The following FRRS1L variants were observed in gnomAD, a reference collection of about 807,000 sequenced individuals.
FRRS1L encodes DOMON domain-containing protein FRRS1L.
In FRRS1L, 22 loss-of-function variants were observed where a neutral mutation model predicts 28.6. The observed-to-expected ratio is 0.77, with a 90% CI of 0.55 to 1.10. The LOEUF (loss-of-function observed/expected upper bound fraction) is 1.10. Among genes scored for constraint, FRRS1L ranks in the 50% least tolerant of loss-of-function variants. The pLI is 0.00. For synonymous variants in FRRS1L, 158 were observed against 151.4 expected (o/e 1.04, Z -0.32); for missense variants, 380 against 386.9 (o/e 0.98, Z 0.15).
rs995349919 is a variant in FRRS1L, at chr9:109,132,613, T to C, written c.*4842A>G. 6.6e-6 allele frequency: 1 copy of C among 152,190 alleles called. No homozygotes were observed. The highest frequency in any genetic ancestry group is 1.5e-5 in the Non-Finnish European group (1 of 68,036). 9.4% of individuals were successfully genotyped at this position (152,190 alleles called of 1,614,324 possible). On this transcript the variant is annotated 3_prime_UTR_variant, in exon 5 of 5. Coordinates refer to ENST00000561981, the MANE Select transcript of FRRS1L (RefSeq NM_014334.4). ...CAGTATCCTTTACAACTAATCATGATATATTGGTGTGTCCCTATCTAAGAA... is the reference window on the plus strand; with the variant it reads ...CAGTATCCTTTACAACTAATCATGACATATTGGTGTGTCCCTATCTAAGAA...
At chr9:109,165,159 G>A (rs1588105876) in intron 1 of FRRS1L, among the ~76,000 whole-genome samples, 1 of 152,192 alleles carries the variant, frequency 6.6e-6, no homozygotes, top group South Asian at 2.1e-4. Context: ...GACGGGCTTC[G>A]GAATATTTAT....
intron 1 of FRRS1L, among the ~76,000 whole-genome samples, chr9:109,159,124 A>C (rs1831448268): frequency 6.6e-6 from 1 of 152,168 alleles, no homozygotes; most frequent in Admixed American, 6.5e-5. Context: ...CTTTGGAAAA[A>C]TGTCTTTTTA....
intron 1 of FRRS1L, among the ~76,000 whole-genome samples, chr9:109,153,287 G>A (rs1002522462): frequency 6.6e-6 from 1 of 152,162 alleles, no homozygotes; most frequent in Non-Finnish European, 1.5e-5. Context: ...CTATAGGGAG[G>A]GTTGTGGGGC....
chr9:109,137,070 T>C lies in FRRS1L; in HGVS notation c.*385A>G, dbSNP rs1265734423. On this transcript the variant is annotated 3_prime_UTR_variant, in exon 5 of 5. Transcript: ENST00000561981. ...CATGATTTCTATACTTAGTTCCTTCTCTGCCTTTCTATTTGTCATTTCTAG... is the reference window on the plus strand; with the variant it reads ...CATGATTTCTATACTTAGTTCCTTCCCTGCCTTTCTATTTGTCATTTCTAG... The C allele has an allele frequency of 6.5e-6, 1 of 154,334 alleles. No homozygotes were observed. The highest frequency in any genetic ancestry group is 6.5e-5 in the Admixed American group (1 of 15,462). 9.6% of individuals were successfully genotyped at this position (154,334 alleles called of 1,614,324 possible).
intron 1 of FRRS1L, chr9:109,152,064 A>G (rs1180295641): frequency 6.6e-6 from 1 of 152,140 alleles, no homozygotes; most frequent in Non-Finnish European, 1.5e-5. Context: ...TATCATCCTC[A>G]CTACTTCCTG....
chr9:109,158,268 T>C (rs561097725), intron 1 of FRRS1L, among the ~76,000 whole-genome samples: 2 of 152,250 alleles, frequency 1.3e-5, no homozygotes, highest in Non-Finnish European at 2.9e-5. Flanking sequence ...CATTTAAATT[T>C]TCGAGTGTAT....
chr9:109,137,552 A>C lies in FRRS1L; in HGVS notation c.785T>G (p.Ile262Ser), dbSNP rs1831128341. The change falls in exon 5 of 5, where the codon ATT (isoleucine) becomes AGT (serine). Residue 262 changes from isoleucine to serine, a missense_variant. Physicochemically the swap from Ile to Ser is moderately radical, Grantham distance 142. Coordinates refer to ENST00000561981, the MANE Select transcript of FRRS1L (RefSeq NM_014334.4). ...RVVSIYKYED[I>S]FMPSAAYQTF... ...TTGATAGGCAGCTGATGGCATAAAA[A>C]TGTCTTCATACTTGTAAATACTGAC... The C allele has an allele frequency of 2.5e-6, 4 of 1,613,454 alleles. No individual in the cohort carries two copies. The highest frequency in any genetic ancestry group is 1.6e-4 in the Middle Eastern group (1 of 6,080).
intron 2 of FRRS1L, among the ~76,000 whole-genome samples, 198 bp downstream of exon 2, chr9:109,149,438 C>G (rs1021471507): frequency 6.6e-6 from 1 of 152,096 alleles, no homozygotes; most frequent in Non-Finnish European, 1.5e-5. Context: ...AAGAATGGTC[C>G]CGGGCCCAGG....
chr9:109,154,452 G>A (rs969951125), intron 1 of FRRS1L, among the ~76,000 whole-genome samples: 3 of 152,152 alleles, frequency 2.0e-5, no homozygotes, highest in African/African-American at 7.2e-5. Context: ...GATACAATGT[G>A]TTTGCCAAAA....
intron 2 of FRRS1L, 85 bp from the exon 3 acceptor site, chr9:109,147,274 G>A (rs1831275701): frequency 1.8e-6 from 2 of 1,129,836 alleles, no homozygotes; most frequent in African/African-American, 1.5e-5. Flanking sequence ...CATGTGGGAT[G>A]CTAAGCAATA....
At chr9:109,141,163 A>G in intron 4 of FRRS1L, 180 bp downstream of exon 4, 8 of 638,598 alleles carry the variant, frequency 1.3e-5, no homozygotes, top group South Asian at 4.0e-5. Flanking sequence ...TTGTCCGTAT[A>G]ATAAGTCCAT....
At chr9:109,153,259 G>T (rs941948060) in intron 1 of FRRS1L, among the ~76,000 whole-genome samples, 5 of 152,164 alleles carry the variant, frequency 3.3e-5, no homozygotes, top group Non-Finnish European at 5.9e-5. Context: ...GAAGGTTGGG[G>T]CTTTGTGCTA....
chr9:109,152,803 C>CAAAAA (rs59385693), intron 1 of FRRS1L, among the ~76,000 whole-genome samples: 1 of 24,116 alleles, frequency 4.1e-5, no homozygotes, highest in Non-Finnish European at 6.6e-5. Flanking sequence ...GACTCCATCT[C>CAAAAA]AAAAAAAAAA....
At chr9:109,166,532 C>T (rs1831551815) in intron 1 of FRRS1L, among the ~76,000 whole-genome samples, 1 of 152,092 alleles carries the variant, frequency 6.6e-6, no homozygotes, top group South Asian at 2.1e-4. Context: ...ATGGCGGCCT[C>T]CTCCCCTATA....
chr9:109,156,571 A>T (rs924033769), intron 1 of FRRS1L, among the ~76,000 whole-genome samples: 14 of 149,730 alleles, frequency 9.4e-5, no homozygotes, highest in African/African-American at 3.0e-4. Context: ...TTGTACTTTT[A>T]GTAGAGACGG....
chr9:109,147,497 T>C (rs976643983), intron 2 of FRRS1L: 1 of 254,832 alleles, frequency 3.9e-6, no homozygotes, highest in Admixed American at 5.1e-5. Context: ...TTCTCTACAT[T>C]ATATTAGTAT....
chr9:109,155,077 C>G (rs1316318219), intron 1 of FRRS1L, among the ~76,000 whole-genome samples: 1 of 152,228 alleles, frequency 6.6e-6, no homozygotes, highest in Non-Finnish European at 1.5e-5. Flanking sequence ...ACTCTGCCAA[C>G]AGCACCCCTT....
chr9:109,148,954 A>G (rs1300229425), intron 2 of FRRS1L, among the ~76,000 whole-genome samples: 1 of 152,176 alleles, frequency 6.6e-6, no homozygotes, highest in African/African-American at 2.4e-5. Context: ...TTAAGTACTG[A>G]ACAACAGCAA....
At chr9:109,141,824 C>T (rs1306081695) in intron 3 of FRRS1L, among the ~76,000 whole-genome samples, 1 of 151,696 alleles carries the variant, frequency 6.6e-6, no homozygotes, top group Non-Finnish European at 1.5e-5. Flanking sequence ...GTAATCCTGC[C>T]CAAAACACAA....
Sources: gnomAD v4.1 joint callset for allele counts (sites outside exome capture counted in the v4.1 genomes callset) on GRCh38, gnomAD v4.1.1 for gene constraint, MANE v1.5 for transcripts, NCBI Gene and HGNC (gene_info 2026-07-23, HGNC 2026-07-21) for gene names.